The following MAD2L1 variants were observed in gnomAD, a reference collection of about 807,000 sequenced individuals.
The protein encoded by MAD2L1 is mitotic spindle assembly checkpoint protein MAD2A.
A neutral mutation model predicts 25.9 loss-of-function variants in MAD2L1; 10 were observed. The ratio of observed to expected loss-of-function variants is 0.39; its 90% CI spans 0.24 to 0.66. The LOEUF (loss-of-function observed/expected upper bound fraction) is 0.66. MAD2L1 is among the 30% of genes least tolerant of loss of function. The pLI is 0.49. For synonymous variants in MAD2L1, 81 were observed against 91.8 expected (o/e 0.88, Z 0.67); for missense variants, 180 against 246.4 (o/e 0.73, Z 1.80).
intron 2 of MAD2L1, among the ~76,000 whole-genome samples, chr4:120,062,618 A>G (rs984921190): frequency 3.9e-5 from 6 of 152,220 alleles, no homozygotes; most frequent in African/African-American, 1.4e-4. Context: ...TACAAGTGCA[A>G]TCAAGAAACA....
At chr4:120,063,273 A>G (rs1392397999) in intron 2 of MAD2L1, among the ~76,000 whole-genome samples, 1 of 152,204 alleles carries the variant, frequency 6.6e-6, no homozygotes, top group African/African-American at 2.4e-5. Flanking sequence ...CTATAGAGAA[A>G]TTATAAACAC....
chr4:120,063,266 T>C (rs34265182), intron 2 of MAD2L1, among the ~76,000 whole-genome samples: 268 of 152,270 alleles, frequency 1.8e-3, no homozygotes, highest in Non-Finnish European at 3.3e-3. Flanking sequence ...AGATCACCTA[T>C]AGAGAAATTA....
intron 1 of MAD2L1, 64 bp downstream of exon 1, chr4:120,066,598 T>C: frequency 7.0e-7 from 1 of 1,433,576 alleles, no homozygotes; most frequent in Non-Finnish European, 9.7e-7. Context: ...GAGGCCGAGC[T>C]GTGGGCCTAC....
At position 120,066,722 on chromosome 4, in the gene MAD2L1, G is replaced by C. The variant is rs1222112531; in HGVS notation, c.13C>G (p.Leu5Val). The change falls in exon 1 of 5, where the codon CTC becomes GTC. Residue 5 changes from leucine to valine, a missense_variant. Coordinates refer to ENST00000296509, the MANE Select transcript of MAD2L1 (RefSeq NM_002358.4). Reference protein sequence around the residue: MALQLSREQGITLRG... With the variant: MALQVSREQGITLRG... The stretch of plus-strand genomic sequence containing the variant: ...AGGGTGATTCCCTGCTCCCGGGAGA[G>C]CTGCAGCGCCATGGCCAGGGACACA... The C allele has an allele frequency of 1.2e-6, 2 of 1,600,692 alleles. No homozygotes were observed. Among genetic ancestry groups the C allele is most frequent in the South Asian group, 1.1e-5 (1 of 89,652 alleles).
In MAD2L1 at chr4:120,060,985, A is replaced by C. The variant is rs758373815; in HGVS notation, c.342-8T>G. ...GACTTTTCTCTGGGTGCACTGTCAA[A>C]AAAAAATCAAATCAATTAATTCATT... On this transcript the variant is annotated splice_region_variant and splice_polypyrimidine_tract_variant and intron_variant, in intron 3 of 4. Coordinates refer to ENST00000296509, the MANE Select transcript of MAD2L1 (RefSeq NM_002358.4). The C allele has an allele frequency of 1.4e-5, 22 of 1,534,472 alleles. 1 individual carries two copies. In the Admixed American group the frequency reaches 1.5e-4, roughly 11 times the overall value.
intron 1 of MAD2L1, 38 bp from the exon 2 acceptor site, chr4:120,065,856 C>A (rs757380033): frequency 2.7e-5 from 43 of 1,600,182 alleles, no homozygotes; most frequent in African/African-American, 6.7e-5. Context: ...ATTCATTATC[C>A]CTGCATAACT....
chr4:120,065,011 T>C (rs1450754067), intron 2 of MAD2L1, among the ~76,000 whole-genome samples: 1 of 152,098 alleles, frequency 6.6e-6, no homozygotes, highest in Non-Finnish European at 1.5e-5. Flanking sequence ...ACAGGAATTC[T>C]AGAAAGGAAA....
chr4:120,062,208 C>T, intron 2 of MAD2L1, 113 bp from the exon 3 acceptor site: 2 of 924,780 alleles, frequency 2.2e-6, no homozygotes, highest in East Asian at 5.1e-5. Flanking sequence ...CTATCTGGGA[C>T]CTCCTCCTAT....
intron 1 of MAD2L1, among the ~76,000 whole-genome samples, chr4:120,066,126 G>A (rs1726311313): frequency 6.6e-6 from 1 of 152,108 alleles, no homozygotes; most frequent in Non-Finnish European, 1.5e-5. Context: ...GCTAGAGGAT[G>A]TCAAAATAGG....
rs1330219557 is a variant in MAD2L1, at chr4:120,056,714, C to T, written c.*3404G>A. 6.6e-6 allele frequency: 1 copy of T among 152,108 alleles called. No homozygotes were observed. Among genetic ancestry groups the T allele is most frequent in the Non-Finnish European group, 1.5e-5 (1 of 68,016 alleles). The allele number at this position is 152,108 out of a possible 1,614,324, so 9.4% of individuals were successfully genotyped here. A position where few individuals can be genotyped will look rare whatever the true frequency, so the allele number is the denominator to read the frequency against. On this transcript the variant is annotated 3_prime_UTR_variant, in exon 5 of 5. Transcript: ENST00000296509. ...TAAAAATAGGCATGGGCTCTTTATC[C>T]TATTGTGAGTCTCATAAAAAGGGTC...
rs1726302323 is a variant in MAD2L1, at chr4:120,065,659, A to G, written c.220+13T>C. The G allele has an allele frequency of 2.5e-6, 4 of 1,612,200 alleles. No homozygotes were observed. In the Admixed American group the frequency reaches 5.0e-5, roughly 20 times the overall value. ...ATCTGCAAGACTCAAATTGTTTCCA[A>G]TGATTAAAATACCTTTCAGTTGTTC... On this transcript the variant is annotated intron_variant, in intron 2 of 4. Transcript: ENST00000296509.
At chr4:120,062,152 C>G in intron 2 of MAD2L1, 57 bp from the exon 3 acceptor site, 1 of 1,537,840 alleles carries the variant, frequency 6.5e-7, no homozygotes, top group Non-Finnish European at 8.8e-7. Context: ...TAAAGTAGCT[C>G]TCTTCTCGGG....
In MAD2L1 at chr4:120,055,945, C is replaced by A. The variant is rs1323018744; in HGVS notation, c.*4173G>T. On this transcript the variant is annotated 3_prime_UTR_variant, in exon 5 of 5. Coordinates refer to ENST00000296509, the MANE Select transcript of MAD2L1 (RefSeq NM_002358.4). Reference sequence around the variant, plus strand: ...GAGGAAAGTGTAAATACAAAGTCACCCAATAAAACATGAATAAGTTTTGCA... The same window carrying A: ...GAGGAAAGTGTAAATACAAAGTCACACAATAAAACATGAATAAGTTTTGCA... 5 of 152,128 alleles carry A rather than the reference C, an allele frequency of 3.3e-5. No homozygotes were observed. Among genetic ancestry groups the A allele is most frequent in the Non-Finnish European group, 7.4e-5 (5 of 68,018 alleles). The allele number at this position is 152,128 out of a possible 1,614,324, so 9.4% of individuals were successfully genotyped here.
At chr4:120,066,513 T>C (rs887791416) in intron 1 of MAD2L1, 149 bp downstream of exon 1, 2 of 653,766 alleles carry the variant, frequency 3.1e-6, no homozygotes, top group Non-Finnish European at 5.2e-6. Flanking sequence ...CACGCAGGCC[T>C]GCAGCTCCAC....
chr4:120,057,898 T>C lies in MAD2L1; in HGVS notation c.*2220A>G, dbSNP rs1726137042. The C allele has an allele frequency of 6.6e-6, 1 of 152,300 alleles. No homozygotes were observed. The highest frequency in any genetic ancestry group is 2.1e-4 in the South Asian group (1 of 4,832). 9.4% of individuals were successfully genotyped at this position (152,300 alleles called of 1,614,324 possible). Reference sequence around the variant, plus strand: ...TATTTTTTGAGATGGAGCCTTGCTCTGTCGCCCAGGCTAGAGTACAGTGGC... The same window carrying C: ...TATTTTTTGAGATGGAGCCTTGCTCCGTCGCCCAGGCTAGAGTACAGTGGC... On this transcript the variant is annotated 3_prime_UTR_variant, in exon 5 of 5. Transcript: ENST00000296509.
At chr4:120,065,016 A>G (rs1341451746) in intron 2 of MAD2L1, among the ~76,000 whole-genome samples, 1 of 152,254 alleles carries the variant, frequency 6.6e-6, no homozygotes, top group Non-Finnish European at 1.5e-5. Flanking sequence ...AATTCTAGAA[A>G]GGAAAAAGAA....
rs1334894153 is a variant in MAD2L1, at chr4:120,058,677, T to C, written c.*1441A>G. The C allele has an allele frequency of 6.6e-6, 1 of 150,436 alleles. No homozygotes were observed. Among genetic ancestry groups the C allele is most frequent in the Non-Finnish European group, 1.5e-5 (1 of 67,336 alleles). The allele number at this position is 150,436 out of a possible 1,614,324, so 9.3% of individuals were successfully genotyped here. A position where few individuals can be genotyped will look rare whatever the true frequency, so the allele number is the denominator to read the frequency against. ...AATTTAGTCTGACTTCTCAAATAGTTAAAATACAAATGAAGCATTTAATTG... is the reference window on the plus strand; with the variant it reads ...AATTTAGTCTGACTTCTCAAATAGTCAAAATACAAATGAAGCATTTAATTG... On this transcript the variant is annotated 3_prime_UTR_variant, in exon 5 of 5. Coordinates refer to ENST00000296509, the MANE Select transcript of MAD2L1 (RefSeq NM_002358.4).
chr4:120,065,490 C>T, intron 2 of MAD2L1, 182 bp downstream of exon 2: 6 of 504,082 alleles, frequency 1.2e-5, no homozygotes, highest in Non-Finnish European at 7.1e-6. Flanking sequence ...AAATATTCAG[C>T]CCACTCACAA....
At chr4:120,066,577 C>T in intron 1 of MAD2L1, 85 bp downstream of exon 1, 1 of 1,252,642 alleles carries the variant, frequency 8.0e-7, no homozygotes. Context: ...CAGATTACTT[C>T]TCTGGTATCA....
Sources: allele counts gnomAD v4.1 joint callset (sites outside exome capture counted in the v4.1 genomes callset), GRCh38; gene constraint gnomAD v4.1.1; transcripts MANE v1.5; gene names NCBI Gene and HGNC (gene_info 2026-07-23, HGNC 2026-07-21).